Variants in UTRN observed in about 807,000 individuals in gnomAD.
UTRN encodes the protein dystrophin-related protein 1.
Under a neutral mutation model 463.9 loss-of-function variants are expected in UTRN, and 283 were observed. The ratio of observed to expected loss-of-function variants is 0.61; its 90% CI spans 0.55 to 0.67. The LOEUF is 0.67. Among genes scored for constraint, UTRN ranks in the 30% least tolerant of loss-of-function variants. The probability of loss-of-function intolerance (pLI) is 0.00; values close to 1 mark genes in which losing one functional copy is unlikely to be tolerated. For synonymous variants in UTRN, 1,442 were observed against 1,431.5 expected, an observed-to-expected ratio of 1.01 and a Z score of -0.17; for missense variants, 3,922 against 4,084.3, an observed-to-expected ratio of 0.96 and a Z score of 1.08.
chr6:144,560,385 T>A (rs553993709), intron 50 of UTRN, among the ~76,000 whole-genome samples: 1 of 152,094 alleles, frequency 6.6e-6, no homozygotes, highest in East Asian at 1.9e-4. Flanking sequence ...CTGTGTTGAG[T>A]TTAGAAGCCA....
In UTRN at chr6:144,678,502, G is replaced by A; in HGVS notation, c.7576G>A (p.Ala2526Thr). 3 of 1,613,196 alleles carry A rather than the reference G, an allele frequency of 1.9e-6. No individual in the cohort carries two copies. The highest frequency in any genetic ancestry group is 3.3e-4 in the Middle Eastern group (2 of 6,054). Reference protein sequence around the residue: ...MVKALGNSEEATMLQHRLDDM... With the variant: ...MVKALGNSEETTMLQHRLDDM... ...AAAAGCTTTGGGAAATTCTGAAGAGGCTACTATGCTTCAACATCGACTGGA... is the reference window on the plus strand; with the variant it reads ...AAAAGCTTTGGGAAATTCTGAAGAGACTACTATGCTTCAACATCGACTGGA... The change falls in exon 52 of 75, where the codon GCT (alanine) becomes ACT (threonine). Residue 2526 changes from alanine (A) to threonine (T), a missense_variant. By Grantham distance (58) the Ala-to-Thr change is moderately conservative. Coordinates refer to ENST00000367545, the MANE Select transcript of UTRN (RefSeq NM_007124.3).
At position 144,491,081 on chromosome 6, in the gene UTRN, G is replaced by C; in HGVS notation, c.4416G>C (p.Gln1472His). 1.9e-6 allele frequency: 3 copies of C among 1,606,752 alleles called. No homozygotes were observed. The African/African-American group carries it at 4.0e-5, about 22-fold the overall frequency. The part of the protein sequence containing the change: ...DVKDVDPDVI[Q>H]THLDKCMKLY... ...AGGACGTAGACCCTGACGTCATACA[G>C]ACGCACCTGGACAAGTGTATGGTGA... The change falls in exon 32 of 75, where the codon CAG becomes CAC. Residue 1472 changes from glutamine (Q) to histidine (H), a missense_variant. Physicochemically the swap from Gln to His is conservative, Grantham distance 24. Transcript: ENST00000367545.
At chr6:144,645,712 C>CA (rs2128664068) in intron 51 of UTRN, among the ~76,000 whole-genome samples, 1 of 152,100 alleles carries the variant, frequency 6.6e-6, no homozygotes, top group African/African-American at 2.4e-5. Flanking sequence ...TGTTGGGGCT[C>CA]AAGGAGAACA....
At chr6:144,529,735 G>C (rs1169910627) in intron 41 of UTRN, among the ~76,000 whole-genome samples, 4 of 151,960 alleles carry the variant, frequency 2.6e-5, no homozygotes, top group Admixed American at 6.6e-5. Context: ...TTTTCATGGA[G>C]AAAGACGATA....
chr6:144,483,023 A>G (rs1792054663), intron 27 of UTRN, among the ~76,000 whole-genome samples: 1 of 152,144 alleles, frequency 6.6e-6, no homozygotes, highest in Non-Finnish European at 1.5e-5. Flanking sequence ...TTGTTGGAAG[A>G]TTTAAGAAGG....
chr6:144,805,554 A>G (rs1562933474), intron 65 of UTRN, among the ~76,000 whole-genome samples: 1 of 152,190 alleles, frequency 6.6e-6, no homozygotes, highest in Non-Finnish European at 1.5e-5. Context: ...GGCTGCAGAA[A>G]GTGAAGCCTG....
intron 13 of UTRN, among the ~76,000 whole-genome samples, chr6:144,443,709 G>C (rs1787388379): frequency 6.6e-6 from 1 of 151,714 alleles, no homozygotes; most frequent in South Asian, 2.1e-4. Flanking sequence ...TGTAACTTAT[G>C]GGGAATTTTT....
At chr6:144,699,447 A>AT (rs1562784691) in intron 52 of UTRN, among the ~76,000 whole-genome samples, 3 of 138,446 alleles carry the variant, frequency 2.2e-5, no homozygotes, top group African/African-American at 5.5e-5. Context: ...CTCAAAAAAA[A>AT]AAATAATAAT....
At chr6:144,711,212 A>G (rs1785657492) in intron 53 of UTRN, among the ~76,000 whole-genome samples, 1 of 152,008 alleles carries the variant, frequency 6.6e-6, no homozygotes, top group African/African-American at 2.4e-5. Flanking sequence ...TACTTGTTGG[A>G]GACTGAGGCA....
chr6:144,772,073 G>T (rs1456634850), intron 59 of UTRN, 105 bp downstream of exon 59: 1 of 728,586 alleles, frequency 1.4e-6, no homozygotes, highest in African/African-American at 2.3e-5. Flanking sequence ...TCTCGCTGTT[G>T]CCCAGGCTGG....
intron 56 of UTRN, among the ~76,000 whole-genome samples, chr6:144,753,192 A>G (rs1036623880): frequency 6.6e-6 from 1 of 152,234 alleles, no homozygotes; most frequent in African/African-American, 2.4e-5. Flanking sequence ...CTAGCATTAC[A>G]TGACCAAGGC....
At chr6:144,825,345 T>C (rs1780086070) in intron 66 of UTRN, among the ~76,000 whole-genome samples, 1 of 152,216 alleles carries the variant, frequency 6.6e-6, no homozygotes, top group Non-Finnish European at 1.5e-5. Flanking sequence ...GGCTTTGTAA[T>C]GATAGGTTGT....
chr6:144,688,690 C>T (rs1241674236), intron 52 of UTRN, among the ~76,000 whole-genome samples: 1 of 151,124 alleles, frequency 6.6e-6, no homozygotes, highest in Non-Finnish European at 1.5e-5. Flanking sequence ...TTCTCAGATA[C>T]TCATTGTAGT....
chr6:144,839,020 A>G (rs1453239824), intron 71 of UTRN, 153 bp from the exon 72 acceptor site: 3 of 565,668 alleles, frequency 5.3e-6, no homozygotes, highest in Non-Finnish European at 9.2e-6. Flanking sequence ...GCCCCCACCA[A>G]GCTGATGCTA....
chr6:144,528,606 G>A (rs755820637), intron 41 of UTRN, among the ~76,000 whole-genome samples: 39 of 150,550 alleles, frequency 2.6e-4, no homozygotes, highest in Non-Finnish European at 4.6e-4. Context: ...GGTGCTGAGC[G>A]GGTACTGGGA....
At chr6:144,806,451 AC>A (rs1778155971) in intron 65 of UTRN, among the ~76,000 whole-genome samples, 1 of 152,186 alleles carries the variant, frequency 6.6e-6, no homozygotes, top group Non-Finnish European at 1.5e-5. Context: ...ATGACAGGTC[AC>A]TTTCTGCATT....
intron 27 of UTRN, among the ~76,000 whole-genome samples, chr6:144,485,084 T>TTA (rs141170221): frequency 5.3e-4 from 80 of 149,672 alleles, no homozygotes; most frequent in Admixed American, 1.1e-3. Flanking sequence ...GCTAATATTT[T>TTA]TATATATATA....
intron 48 of UTRN, among the ~76,000 whole-genome samples, chr6:144,553,625 T>A (rs1349243504): frequency 6.6e-6 from 1 of 152,148 alleles, no homozygotes; most frequent in Non-Finnish European, 1.5e-5. Context: ...AATAAAAAAT[T>A]TAAGTTTCCA....
At chr6:144,771,848 G>A in intron 58 of UTRN, 59 bp from the exon 59 acceptor site, 2 of 1,392,110 alleles carry the variant, frequency 1.4e-6, no homozygotes, top group Non-Finnish European at 2.0e-6. Flanking sequence ...TTCGTTTTTG[G>A]CCTATATGAA....
Sources: allele counts gnomAD v4.1 joint callset (sites outside exome capture counted in the v4.1 genomes callset), GRCh38; gene constraint gnomAD v4.1.1; transcripts MANE v1.5; gene names NCBI Gene and HGNC (gene_info 2026-07-23, HGNC 2026-07-21).